The following DYNC1I2 variants were observed in gnomAD, a reference collection of about 807,000 sequenced individuals.
The protein encoded by DYNC1I2 is dynein cytoplasmic 1 intermediate chain 2, also known as cytoplasmic dynein 1 intermediate chain 2.
DYNC1I2 carries 53 observed loss-of-function variants against 88.6 expected under a neutral mutation model. The observed-to-expected ratio is 0.60, with a 90% confidence interval of 0.48 to 0.75. The LOEUF is 0.75. DYNC1I2 is among the 30% of genes least tolerant of loss of function. The probability of loss-of-function intolerance (pLI) is 0.00; values close to 1 mark genes in which losing one functional copy is unlikely to be tolerated. For synonymous variants in DYNC1I2, 198 were observed against 254.6 expected (o/e 0.78, Z 2.12); for missense variants, 458 against 766.6 (o/e 0.60, Z 4.75).
intron 7 of DYNC1I2, among the ~76,000 whole-genome samples, chr2:171,717,976 T>G (rs1687634075): frequency 6.7e-6 from 1 of 149,996 alleles, no homozygotes; most frequent in African/African-American, 2.5e-5. Context: ...TTTTTTTTTT[T>G]GACAGAGTCT....
chr2:171,712,836 A>G lies in DYNC1I2; in HGVS notation c.395+10A>G, dbSNP rs1230926719. ...CAGATTCCGATTTGGGGTATTGAAT[A>G]GATTTTTTACCTTCCCTGTTTTATA... is the stretch of plus-strand genomic sequence containing the variant. On this transcript the variant is annotated intron_variant, in intron 6 of 17. Transcript: ENST00000397119. 3.7e-6 allele frequency: 6 copies of G among 1,609,180 alleles called. No individual in the cohort carries two copies. In the Admixed American group the frequency reaches 5.0e-5, roughly 13 times the overall value.
rs1233400625 is a variant in DYNC1I2, at chr2:171,744,028, G to T, written c.1537-21G>T. ...GTATGTCATATATGGACTGTGCTAA[G>T]AATCAACTTTTCTCTTTCAGAATAA... On this transcript the variant is annotated intron_variant, in intron 15 of 17. Coordinates refer to ENST00000397119, the MANE Select transcript of DYNC1I2 (RefSeq NM_001378.3). 5.6e-6 allele frequency: 9 copies of T among 1,601,418 alleles called. No homozygotes were observed. In the South Asian group the frequency reaches 1.0e-4, roughly 18 times the overall value.
chr2:171,736,533 T>C (rs1689020204), intron 15 of DYNC1I2, among the ~76,000 whole-genome samples: 1 of 152,108 alleles, frequency 6.6e-6, no homozygotes, highest in Non-Finnish European at 1.5e-5. Context: ...ACAAAAGAAG[T>C]TTTATAATTT....
At chr2:171,741,810 G>A (rs1689444649) in intron 15 of DYNC1I2, among the ~76,000 whole-genome samples, 1 of 152,048 alleles carries the variant, frequency 6.6e-6, no homozygotes, top group Admixed American at 6.6e-5. Flanking sequence ...GGCCAGGCAC[G>A]GTGGCTCACG....
chr2:171,701,766 C>T (rs1424149770), intron 3 of DYNC1I2, among the ~76,000 whole-genome samples: 2 of 152,040 alleles, frequency 1.3e-5, no homozygotes, highest in African/African-American at 4.8e-5. Flanking sequence ...TATTTTATCT[C>T]CAGTCATTTT....
chr2:171,725,598 G>GTTTTTTTTTT lies in DYNC1I2; in HGVS notation c.512-13_512-4dup. The GTTTTTTTTTT allele has an allele frequency of 2.2e-6, 2 of 894,258 alleles. No homozygotes were observed. Among genetic ancestry groups the GTTTTTTTTTT allele is most frequent in the Non-Finnish European group, 3.1e-6 (2 of 655,496 alleles). The allele number at this position is 894,258 out of a possible 1,614,324, so 55.4% of individuals were successfully genotyped here. A position where few individuals can be genotyped will look rare whatever the true frequency, so the allele number is the denominator to read the frequency against. Reference sequence around the variant, plus strand: ...ATTCTGTTTTTTTGTTTTTTTGTTTGTTTTTTTTTTTTTTTTCAGATGAAG... The same window carrying GTTTTTTTTTT: ...ATTCTGTTTTTTTGTTTTTTTGTTTGTTTTTTTTTTTTTTTTTTTTTTTTTTCAGATGAAG... On this transcript the variant is annotated intron_variant, in intron 7 of 17. Coordinates refer to ENST00000397119, the MANE Select transcript of DYNC1I2 (RefSeq NM_001378.3).
At chr2:171,714,261 G>C (rs1687328929) in intron 6 of DYNC1I2, among the ~76,000 whole-genome samples, 1 of 145,486 alleles carries the variant, frequency 6.9e-6, no homozygotes, top group African/African-American at 2.5e-5. Flanking sequence ...CCACATTTTG[G>C]AACATTAATT....
chr2:171,703,597 A>T (rs1180931485), intron 3 of DYNC1I2, among the ~76,000 whole-genome samples: 1 of 152,160 alleles, frequency 6.6e-6, no homozygotes, highest in Non-Finnish European at 1.5e-5. Context: ...GACAAGGAGA[A>T]TAAAGGAAAT....
At chr2:171,744,264 T>C in intron 16 of DYNC1I2, 75 bp downstream of exon 16, 3 of 1,425,234 alleles carry the variant, frequency 2.1e-6, no homozygotes, top group Non-Finnish European at 1.9e-6. Flanking sequence ...GTGAAATTCC[T>C]TTTTTTCCAA....
intron 13 of DYNC1I2, 53 bp downstream of exon 13, chr2:171,728,471 G>A: frequency 1.8e-6 from 2 of 1,101,238 alleles, no homozygotes; most frequent in Non-Finnish European, 2.6e-6. Flanking sequence ...TGTTTTAAGT[G>A]TATGTGTACC....
At chr2:171,703,735 AAAGT>A (rs1044012372) in intron 3 of DYNC1I2, among the ~76,000 whole-genome samples, 3 of 152,196 alleles carry the variant, frequency 2.0e-5, no homozygotes, top group African/African-American at 7.2e-5. Flanking sequence ...AGGTCAAAAA[AAAGT>A]AAGGTATGAA....
intron 15 of DYNC1I2, among the ~76,000 whole-genome samples, chr2:171,730,354 G>C (rs1163231132): frequency 6.6e-6 from 1 of 152,188 alleles, no homozygotes; most frequent in Non-Finnish European, 1.5e-5. Context: ...GGAAAGCATT[G>C]TGTAAAAGCA....
rs374370096 is a variant in DYNC1I2 at position 171,707,272 on chromosome 2, T to G, written c.245-15T>G. 5 of 1,613,824 alleles carry G rather than the reference T, an allele frequency of 3.1e-6. No homozygotes were observed. In the Admixed American group the frequency reaches 5.0e-5, roughly 16 times the overall value. On this transcript the variant is annotated splice_polypyrimidine_tract_variant and intron_variant, in intron 4 of 17. Coordinates refer to ENST00000397119, the MANE Select transcript of DYNC1I2 (RefSeq NM_001378.3). ...CGTGTAGTAACAGCGGATACCTGTC[T>G]ATTTCACTATTTAGTCCCTCCTCCT...
chr2:171,707,452 G>A, intron 5 of DYNC1I2, 75 bp downstream of exon 5: 2 of 1,305,936 alleles, frequency 1.5e-6, no homozygotes, highest in Non-Finnish European at 2.1e-6. Flanking sequence ...ACTTTAAAGG[G>A]ACTCTAAATA....
At chr2:171,731,937 T>C (rs1688643012) in intron 15 of DYNC1I2, among the ~76,000 whole-genome samples, 1 of 152,224 alleles carries the variant, frequency 6.6e-6, no homozygotes, top group South Asian at 2.1e-4. Context: ...TCCGTCTTTG[T>C]CATTGTTTTA....
intron 15 of DYNC1I2, among the ~76,000 whole-genome samples, chr2:171,733,801 T>C (rs1447256055): frequency 6.6e-6 from 1 of 151,908 alleles, no homozygotes; most frequent in Non-Finnish European, 1.5e-5. Context: ...AGCTCTTTAA[T>C]TGGATCCCAT....
chr2:171,713,104 C>T (rs867886601), intron 6 of DYNC1I2, among the ~76,000 whole-genome samples: 1 of 152,004 alleles, frequency 6.6e-6, no homozygotes, highest in Non-Finnish European at 1.5e-5. Flanking sequence ...ACTTCTCAGA[C>T]TTCTTCTAAT....
At chr2:171,724,306 G>T (rs1688095171) in intron 7 of DYNC1I2, among the ~76,000 whole-genome samples, 1 of 152,232 alleles carries the variant, frequency 6.6e-6, no homozygotes, top group Non-Finnish European at 1.5e-5. Context: ...CAGTATGTGT[G>T]TGGTTTGGCA....
chr2:171,689,179 A>G (rs1471669333), intron 1 of DYNC1I2, among the ~76,000 whole-genome samples: 2 of 152,208 alleles, frequency 1.3e-5, no homozygotes, highest in East Asian at 3.9e-4. Flanking sequence ...AAGGCAACAA[A>G]AATAACTAAA....
Sources: gnomAD v4.1 joint callset for allele counts (sites outside exome capture counted in the v4.1 genomes callset) on GRCh38, gnomAD v4.1.1 for gene constraint, MANE v1.5 for transcripts, NCBI Gene and HGNC (gene_info 2026-07-23, HGNC 2026-07-21) for gene names.